Variants in CLSTN2 observed in about 807,000 individuals in gnomAD.
The protein encoded by CLSTN2 is calsyntenin-2.
In CLSTN2, 48 loss-of-function variants were observed where a neutral mutation model predicts 101.2. That is an observed-to-expected ratio of 0.47 (90% CI 0.38 to 0.60). The LOEUF (loss-of-function observed/expected upper bound fraction) is 0.60, where lower values mean the gene tolerates loss of function less well. Ranked by LOEUF, CLSTN2 falls within the 20% of genes least tolerant of loss-of-function variation. The pLI is 0.00. For synonymous variants in CLSTN2, 481 were observed against 463.6 expected (o/e 1.04, Z -0.48); for missense variants, 1,160 against 1,238.2 (o/e 0.94, Z 0.95).
At chr3:140,209,059 A>G (rs1339722330) in intron 2 of CLSTN2, among the ~76,000 whole-genome samples, 5 of 152,226 alleles carry the variant, frequency 3.3e-5, no homozygotes, top group Admixed American at 1.3e-4. Context: ...CCTTTCTATA[A>G]GAACAATTTA....
At chr3:140,476,675 C>T (rs503968) in intron 8 of CLSTN2, among the ~76,000 whole-genome samples, 2,156 of 41,234 alleles carry the variant, frequency 0.052, 88 homozygotes, top group African/African-American at 0.13. Flanking sequence ...TTTTTTTTTT[C>T]CTGATATGGA....
chr3:140,480,952 T>G (rs1349519627), intron 8 of CLSTN2, among the ~76,000 whole-genome samples: 1 of 152,188 alleles, frequency 6.6e-6, no homozygotes, highest in East Asian at 1.9e-4. Context: ...TTAGTTTAAT[T>G]AGATCCCATT....
chr3:140,410,605 A>G (rs2088353016), intron 4 of CLSTN2, among the ~76,000 whole-genome samples: 2 of 152,136 alleles, frequency 1.3e-5, no homozygotes, highest in Non-Finnish European at 2.9e-5. Context: ...TTAATACAAA[A>G]TCATATGAAG....
chr3:140,317,939 T>G (rs2087244693), intron 2 of CLSTN2, among the ~76,000 whole-genome samples: 1 of 152,218 alleles, frequency 6.6e-6, no homozygotes, highest in South Asian at 2.1e-4. Context: ...GTGCAGGCAG[T>G]GCATCATATC....
rs1421938648 is a variant in CLSTN2 at position 140,443,463 on chromosome 3, A to AG, written c.788-5054dup. Among the ~76,000 whole-genome samples the AG allele has an allele frequency of 5.9e-5, 9 of 152,350 alleles. No individual in the cohort carries two copies. The East Asian group carries it at 1.7e-3, about 29-fold the overall frequency. On this transcript the variant is annotated intron_variant, in intron 5 of 16. Transcript: ENST00000458420. Reference sequence around the variant, plus strand: ...GAAAACATAAGTTACCCAAATGTAGAGGTAGTTATAATAAAATCATCATCT... The same window carrying AG: ...GAAAACATAAGTTACCCAAATGTAGAGGGTAGTTATAATAAAATCATCATCT...
At chr3:140,094,484 G>T (rs1487436095) in intron 1 of CLSTN2, among the ~76,000 whole-genome samples, 5 of 152,012 alleles carry the variant, frequency 3.3e-5, no homozygotes, top group Admixed American at 3.3e-4. Flanking sequence ...TTTAACTCTT[G>T]CAGGCATTTT....
At chr3:140,392,217 T>TA (rs1343523399) in intron 2 of CLSTN2, among the ~76,000 whole-genome samples, 4 of 150,362 alleles carry the variant, frequency 2.7e-5, no homozygotes, top group South Asian at 4.2e-4. Context: ...TAGCCACATT[T>TA]AAAAAAAAGA....
At chr3:140,288,695 A>T (rs1316018882) in intron 2 of CLSTN2, among the ~76,000 whole-genome samples, 1 of 152,174 alleles carries the variant, frequency 6.6e-6, no homozygotes, top group Non-Finnish European at 1.5e-5. Context: ...CTGACTAATT[A>T]TCTCTTATGA....
intron 2 of CLSTN2, among the ~76,000 whole-genome samples, chr3:140,205,297 C>T (rs2010766598): frequency 6.6e-6 from 1 of 152,158 alleles, no homozygotes; most frequent in African/African-American, 2.4e-5. Context: ...TCATGGAGTC[C>T]TTAGTGACAC....
At chr3:140,171,791 A>ATAAT (rs1559797375) in intron 1 of CLSTN2, among the ~76,000 whole-genome samples, 23 of 106,146 alleles carry the variant, frequency 2.2e-4, no homozygotes, top group African/African-American at 7.9e-4. Flanking sequence ...TATAATATAT[A>ATAAT]ATATATAATA....
chr3:140,524,664 G>A lies in CLSTN2; in HGVS notation c.1345-7660G>A, dbSNP rs114868738. On this transcript the variant is annotated intron_variant, in intron 8 of 16. Coordinates refer to ENST00000458420, the MANE Select transcript of CLSTN2 (RefSeq NM_022131.3). ...CATTCTTCTTATCTGCACATGGAAC[G>A]TATTCTAAGATCAATCACATGCTCA... 6.2e-3 allele frequency among the ~76,000 whole-genome samples: 941 copies of A among 152,198 alleles called. 8 individuals carry two copies. The highest frequency in any genetic ancestry group is 0.021 in the African/African-American group (882 of 41,530).
intron 1 of CLSTN2, among the ~76,000 whole-genome samples, chr3:140,067,053 T>C (rs912766636): frequency 6.6e-6 from 1 of 152,180 alleles, no homozygotes; most frequent in African/African-American, 2.4e-5. Flanking sequence ...GATCTCATGA[T>C]GGATGATATG....
intron 9 of CLSTN2, among the ~76,000 whole-genome samples, chr3:140,533,438 A>G (rs349539): frequency 0.18 from 27,295 of 152,112 alleles, 2,820 homozygotes; most frequent in East Asian, 0.35. Flanking sequence ...GGCCGTGCAC[A>G]GTGGCTCACG....
intron 2 of CLSTN2, among the ~76,000 whole-genome samples, chr3:140,236,685 C>T (rs2086419973): frequency 6.6e-6 from 1 of 151,932 alleles, no homozygotes; most frequent in Non-Finnish European, 1.5e-5. Context: ...CTCTATTTCA[C>T]TTTGTATAGT....
intron 1 of CLSTN2, among the ~76,000 whole-genome samples, chr3:140,019,894 C>T (rs1199449925): frequency 6.6e-6 from 1 of 152,184 alleles, no homozygotes; most frequent in East Asian, 1.9e-4. Flanking sequence ...CCAGGGGATG[C>T]TGGTGCCTGA....
At chr3:140,532,906 ACCCTCTG>A (rs1174997253) in intron 9 of CLSTN2, among the ~76,000 whole-genome samples, 1 of 152,110 alleles carries the variant, frequency 6.6e-6, no homozygotes, top group East Asian at 1.9e-4. Context: ...TAAGCCCCAA[ACCCTCTG>A]TTCTGGGAAC....
intron 1 of CLSTN2, among the ~76,000 whole-genome samples, chr3:140,136,026 G>A (rs1375657740): frequency 1.3e-5 from 2 of 152,184 alleles, no homozygotes; most frequent in African/African-American, 4.8e-5. Context: ...GGCAGAGTGA[G>A]GGTCACTTTC....
chr3:140,463,385 G>A (rs945387514), intron 7 of CLSTN2, among the ~76,000 whole-genome samples: 2 of 152,260 alleles, frequency 1.3e-5, no homozygotes, highest in East Asian at 3.9e-4. Flanking sequence ...AGATGGAGAT[G>A]TCAGCCTGGT....
At chr3:139,974,532 A>C (rs556534180) in intron 1 of CLSTN2, among the ~76,000 whole-genome samples, 2 of 152,206 alleles carry the variant, frequency 1.3e-5, no homozygotes. Flanking sequence ...GGGTGTCTGG[A>C]AGAAAAGCAA....
Sources: gnomAD v4.1 joint callset for allele counts (sites outside exome capture counted in the v4.1 genomes callset) on GRCh38, gnomAD v4.1.1 for gene constraint, MANE v1.5 for transcripts, NCBI Gene and HGNC (gene_info 2026-07-23, HGNC 2026-07-21) for gene names.